The following HIVEP2 variants were observed in gnomAD, a reference collection of about 807,000 sequenced individuals.
HIVEP2 encodes the protein HIVEP zinc finger 2, also known as transcription factor HIVEP2.
A neutral mutation model predicts 180.7 loss-of-function variants in HIVEP2; 14 were observed. The observed-to-expected ratio is 0.08, with a 90% CI of 0.05 to 0.12. The LOEUF is 0.12. Ranked by LOEUF, HIVEP2 falls within the 10% of genes least tolerant of loss-of-function variation. HIVEP2 has a pLI of 1.00. For missense variants in HIVEP2, 2,579 were observed against 3,008.5 expected (o/e 0.86, Z 3.34); for synonymous variants, 1,184 against 1,136.4 (o/e 1.04, Z -0.84).
chr6:142,930,707 C>T (rs1328919162), intron 1 of HIVEP2, among the ~76,000 whole-genome samples: 1 of 152,146 alleles, frequency 6.6e-6, no homozygotes, highest in African/African-American at 2.4e-5. Context: ...CAGCCTCCAT[C>T]TATATTAAAT....
intron 9 of HIVEP2, among the ~76,000 whole-genome samples, chr6:142,758,237 T>C (rs1312784092): frequency 2.0e-5 from 3 of 152,226 alleles, no homozygotes; most frequent in African/African-American, 7.2e-5. Context: ...GTTAGCTTGG[T>C]AAACAACATC....
chr6:142,878,990 T>C (rs566403457), intron 1 of HIVEP2, among the ~76,000 whole-genome samples: 1 of 152,178 alleles, frequency 6.6e-6, no homozygotes, highest in Non-Finnish European at 1.5e-5. Context: ...ACATGTCTGA[T>C]CCTCTATTAT....
chr6:142,834,664 T>C (rs1474600862), intron 2 of HIVEP2, among the ~76,000 whole-genome samples: 3 of 152,076 alleles, frequency 2.0e-5, no homozygotes, highest in South Asian at 4.1e-4. Flanking sequence ...TTATAAAAAA[T>C]AATAATAATT....
intron 1 of HIVEP2, among the ~76,000 whole-genome samples, chr6:142,901,853 G>GA (rs1777140518): frequency 6.6e-6 from 1 of 152,110 alleles, no homozygotes; most frequent in Admixed American, 6.6e-5. Flanking sequence ...CTATCGGTTT[G>GA]AAAAAATGAG....
intron 2 of HIVEP2, among the ~76,000 whole-genome samples, chr6:142,799,432 G>A (rs1776355385): frequency 6.6e-6 from 1 of 152,082 alleles, no homozygotes; most frequent in African/African-American, 2.4e-5. Context: ...CCATTTCAGG[G>A]ACAGCCATTT....
intron 1 of HIVEP2, among the ~76,000 whole-genome samples, chr6:142,880,720 C>T (rs1185926783): frequency 6.6e-6 from 1 of 152,150 alleles, no homozygotes; most frequent in East Asian, 1.9e-4. Context: ...TCTCTTTGAT[C>T]AAGTCCCCAG....
chr6:142,887,977 G>A (rs1439343838), intron 1 of HIVEP2, among the ~76,000 whole-genome samples: 1 of 142,688 alleles, frequency 7.0e-6, no homozygotes, highest in Non-Finnish European at 1.5e-5. Flanking sequence ...AAAAAAAATT[G>A]CTTTTTCAAA....
intron 1 of HIVEP2, among the ~76,000 whole-genome samples, chr6:142,926,963 G>A (rs548877320): frequency 6.6e-6 from 1 of 151,738 alleles, no homozygotes; most frequent in African/African-American, 2.4e-5. Flanking sequence ...GTCAGCGGAC[G>A]GGGGGCCAAA....
intron 1 of HIVEP2, among the ~76,000 whole-genome samples, chr6:142,858,178 C>A (rs1775876583): frequency 1.3e-5 from 2 of 152,172 alleles, no homozygotes; most frequent in South Asian, 4.1e-4. Context: ...TTATACTATG[C>A]CGTTTCTCTT....
intron 2 of HIVEP2, 144 bp downstream of exon 2, chr6:142,836,791 T>C (rs1245172866): frequency 6.6e-6 from 1 of 152,188 alleles, no homozygotes; most frequent in Non-Finnish European, 1.5e-5. Context: ...ATTTAGATAA[T>C]ATCCAAAACA....
chr6:142,755,103 A>G (rs1775030263), intron 9 of HIVEP2, among the ~76,000 whole-genome samples: 1 of 152,206 alleles, frequency 6.6e-6, no homozygotes, highest in Non-Finnish European at 1.5e-5. Flanking sequence ...AACTCAAGGT[A>G]TGCTCTGCAG....
At chr6:142,916,431 C>T (rs1290822156) in intron 1 of HIVEP2, among the ~76,000 whole-genome samples, 1 of 152,204 alleles carries the variant, frequency 6.6e-6, no homozygotes, top group Non-Finnish European at 1.5e-5. Context: ...GGTGCTCCAG[C>T]CACAGCAGTG....
Position 142,775,122 on chromosome 6 carries a change from T to C in HIVEP2, c.-384A>G. 5.1e-6 allele frequency: 5 copies of C among 989,448 alleles called. No individual in the cohort carries two copies. Among genetic ancestry groups the C allele is most frequent in the Non-Finnish European group, 6.0e-6 (5 of 832,204 alleles). The allele number at this position is 989,448 out of a possible 1,614,324, so 61.3% of individuals were successfully genotyped here. A position where few individuals can be genotyped will look rare whatever the true frequency, so the allele number is the denominator to read the frequency against. ...AATTGCCAGTTTCACTAAGATAAAATGATCTGAAGAAAAAGAAAATACAAA... is the reference window on the plus strand; with the variant it reads ...AATTGCCAGTTTCACTAAGATAAAACGATCTGAAGAAAAAGAAAATACAAA... On this transcript the variant is annotated 5_prime_UTR_variant, in exon 5 of 10. Transcript: ENST00000367603.
intron 1 of HIVEP2, among the ~76,000 whole-genome samples, chr6:142,844,848 A>C (rs1298239719): frequency 6.6e-6 from 1 of 152,220 alleles, no homozygotes; most frequent in African/African-American, 2.4e-5. Context: ...ACTGCTACTT[A>C]TGAATGGTTA....
chr6:142,764,488 G>A (rs1048587142), intron 7 of HIVEP2, among the ~76,000 whole-genome samples: 5 of 152,190 alleles, frequency 3.3e-5, no homozygotes, highest in African/African-American at 1.2e-4. Flanking sequence ...CAATACTGGT[G>A]TAAATATTAT....
intron 9 of HIVEP2, 136 bp from the exon 10 acceptor site, chr6:142,754,067 A>G: frequency 3.6e-6 from 2 of 555,962 alleles, no homozygotes; most frequent in South Asian, 5.5e-5. Context: ...TTCTTTGATC[A>G]AGTTTTCCTA....
intron 2 of HIVEP2, among the ~76,000 whole-genome samples, chr6:142,827,526 G>C (rs572465614): frequency 6.6e-6 from 1 of 152,184 alleles, no homozygotes; most frequent in Non-Finnish European, 1.5e-5. Flanking sequence ...CTGTGTGCGC[G>C]CACGCACGTG....
At chr6:142,941,669 G>A (rs906849064) in intron 1 of HIVEP2, among the ~76,000 whole-genome samples, 1 of 152,146 alleles carries the variant, frequency 6.6e-6, no homozygotes, top group Non-Finnish European at 1.5e-5. Context: ...TGGGTTTGAA[G>A]TTCCTTATGA....
At chr6:142,789,871 C>T (rs940739970) in intron 2 of HIVEP2, among the ~76,000 whole-genome samples, 14 of 152,076 alleles carry the variant, frequency 9.2e-5, no homozygotes, top group Non-Finnish European at 2.9e-5. Context: ...CAATGCTCCA[C>T]TGAAATGTTT....
Sources: allele counts gnomAD v4.1 joint callset (sites outside exome capture counted in the v4.1 genomes callset), GRCh38; gene constraint gnomAD v4.1.1; transcripts MANE v1.5; gene names NCBI Gene and HGNC (gene_info 2026-07-23, HGNC 2026-07-21).